PSMF1: variants seen among roughly 807,000 people sequenced by gnomAD.
PSMF1 encodes proteasome inhibitor PI31 subunit.
In PSMF1, 30 loss-of-function variants were observed where a neutral mutation model predicts 29.3. The observed-to-expected ratio is 1.02, with a 90% CI of 0.77 to 1.39. The LOEUF is 1.39. Ranked by LOEUF, PSMF1 falls within the 40% of genes most tolerant of loss-of-function variation. The pLI, the probability that PSMF1 is intolerant of heterozygous loss-of-function variation, is 0.00. For synonymous variants in PSMF1, 134 were observed against 139.7 expected (o/e 0.96, Z 0.29); for missense variants, 344 against 357.5 (o/e 0.96, Z 0.31).
intron 4 of PSMF1, among the ~76,000 whole-genome samples, chr20:1,135,686 G>A (rs79329393): frequency 0.018 from 2,799 of 152,308 alleles, 88 homozygotes; most frequent in African/African-American, 0.063. Flanking sequence ...GTCTTTCTGA[G>A]AAAATGTAAA....
intron 3 of PSMF1, among the ~76,000 whole-genome samples, chr20:1,128,241 A>G (rs1233665165): frequency 6.6e-6 from 1 of 152,222 alleles, no homozygotes; most frequent in Non-Finnish European, 1.5e-5. Context: ...AGTTGGTATC[A>G]TACAGTAGTA....
chr20:1,148,693 A>G (rs571161999), intron 4 of PSMF1, among the ~76,000 whole-genome samples: 4 of 152,314 alleles, frequency 2.6e-5, no homozygotes, highest in African/African-American at 7.2e-5. Flanking sequence ...TATAACTTCT[A>G]TGGGGTATGT....
chr20:1,150,279 A>G (rs77715652), intron 4 of PSMF1, among the ~76,000 whole-genome samples: 1 of 152,160 alleles, frequency 6.6e-6, no homozygotes, highest in Non-Finnish European at 1.5e-5. Flanking sequence ...TTGACAATCT[A>G]TACCTCTTCA....
At chr20:1,130,572 G>A (rs2284373) in intron 3 of PSMF1, among the ~76,000 whole-genome samples, 2 of 152,192 alleles carry the variant, frequency 1.3e-5, no homozygotes, top group East Asian at 1.9e-4. Context: ...CGATTTAAAC[G>A]TCAGTTCCTT....
chr20:1,166,338 G>A lies in PSMF1; in HGVS notation c.*1258G>A. The A allele has an allele frequency of 1.5e-6, 2 of 1,371,904 alleles. No individual in the cohort carries two copies. Among genetic ancestry groups the A allele is most frequent in the Admixed American group, 1.8e-5 (1 of 54,142 alleles). The allele number at this position is 1,371,904 out of a possible 1,614,324, so 85.0% of individuals were successfully genotyped here. ...TCAAGGCGGTAGTCACTTCCGCTCT[G>A]CAGCTAGCATTTCAACCATATGTGG... On this transcript the variant is annotated 3_prime_UTR_variant, in exon 7 of 7. Transcript: ENST00000335877.
chr20:1,120,813 C>G (rs1463821633), intron 1 of PSMF1, among the ~76,000 whole-genome samples: 1 of 152,192 alleles, frequency 6.6e-6, no homozygotes, highest in Admixed American at 6.5e-5. Flanking sequence ...ACCTCACTCC[C>G]CTTACCTACT....
intron 1 of PSMF1, among the ~76,000 whole-genome samples, chr20:1,120,282 A>G (rs1947487064): frequency 6.6e-6 from 1 of 152,028 alleles, no homozygotes; most frequent in African/African-American, 2.4e-5. Context: ...CCAAACTCAC[A>G]CATACTTCAT....
intron 4 of PSMF1, chr20:1,160,661 C>T: frequency 2.0e-6 from 1 of 507,580 alleles, no homozygotes; most frequent in Admixed American, 2.2e-5. Context: ...GGGACGACGC[C>T]CCTGGAACCA....
intron 4 of PSMF1, among the ~76,000 whole-genome samples, chr20:1,137,619 A>G (rs1267019419): frequency 4.0e-5 from 1 of 24,794 alleles, no homozygotes; most frequent in Admixed American, 6.8e-4. Context: ...AATTAATCGC[A>G]TGGGGAGAAA....
chr20:1,165,981 C>T lies in PSMF1; in HGVS notation c.*901C>T, dbSNP rs185585896. 8.6e-6 allele frequency: 12 copies of T among 1,403,454 alleles called. No homozygotes were observed. The East Asian group carries it at 1.6e-4, about 18-fold the overall frequency. The allele number at this position is 1,403,454 out of a possible 1,614,324, so 86.9% of individuals were successfully genotyped here. On this transcript the variant is annotated 3_prime_UTR_variant, in exon 7 of 7. Transcript: ENST00000335877. The stretch of plus-strand genomic sequence containing the variant: ...CCTGCTCTAAAGCATTTTGATGTCT[C>T]ATTCTGTGTTTGGTAACCCCTATAA...
At chr20:1,113,437 T>G (rs547735248) in intron 1 of PSMF1, 1 of 92,280 alleles carries the variant, frequency 1.1e-5, no homozygotes, top group South Asian at 4.1e-4. Flanking sequence ...GCTGGATGGA[T>G]CAGGGGCAAC....
At chr20:1,136,302 G>A (rs2086305392) in intron 4 of PSMF1, among the ~76,000 whole-genome samples, 1 of 152,226 alleles carries the variant, frequency 6.6e-6, no homozygotes. Flanking sequence ...CAGAGCCAGG[G>A]CTGGGGTCTA....
intron 4 of PSMF1, among the ~76,000 whole-genome samples, chr20:1,157,499 T>C (rs1433673179): frequency 9.2e-5 from 14 of 152,198 alleles, no homozygotes; most frequent in Admixed American, 9.2e-4. Flanking sequence ...TTACATAAAG[T>C]TAACAATACT....
intron 3 of PSMF1, among the ~76,000 whole-genome samples, chr20:1,133,571 T>TATATA (rs1568469077): frequency 4.5e-4 from 20 of 44,124 alleles, no homozygotes; most frequent in African/African-American, 1.3e-3. Context: ...ATATATATAT[T>TATATA]TTTTTTTTTT....
In PSMF1 at chr20:1,168,683, C is replaced by T. The variant is rs2086759004; in HGVS notation, c.*3603C>T. 6.6e-6 allele frequency among the ~76,000 whole-genome samples: 1 copy of T among 152,228 alleles called. No homozygotes were observed. The highest frequency in any genetic ancestry group is 2.4e-5 in the African/African-American group (1 of 41,460). ...AGGTAGCAAGTTCCACGCAGCCTCA[C>T]TCTTTGGAACCTAGTTTCTCCTATG... On this transcript the variant is annotated 3_prime_UTR_variant, in exon 7 of 7. Coordinates refer to ENST00000335877, the MANE Select transcript of PSMF1 (RefSeq NM_006814.5).
At chr20:1,113,543 G>A (rs2085986823) in intron 1 of PSMF1, 1 of 96,908 alleles carries the variant, frequency 1.0e-5, no homozygotes, top group Non-Finnish European at 2.3e-5. Context: ...GGACCCTGGG[G>A]TTCAGGACAG....
rs1223277993 is a variant in PSMF1, at chr20:1,125,641, C to T, written c.273C>T (p.Leu91=). The T allele has an allele frequency of 6.2e-7, 1 of 1,611,828 alleles. No homozygotes were observed. The highest frequency in any genetic ancestry group is 1.7e-5 in the Admixed American group (1 of 59,712). Residue 91 remains leucine (L), a synonymous_variant, in exon 2 of 7, where the codon CTC becomes CTT. Coordinates refer to ENST00000335877, the MANE Select transcript of PSMF1 (RefSeq NM_006814.5). ...TCACCGTGGAGAGCAGCATGATCCT[C>T]AATGTGCTGGTGAGTCTCTGGGACA... ...KAITVESSMI[L]NVLEYGSQQV...
In PSMF1 at chr20:1,170,577, T is replaced by C. The variant is rs1165497458; in HGVS notation, c.*5497T>C. Among the ~76,000 whole-genome samples the C allele has an allele frequency of 6.6e-6, 1 of 151,928 alleles. No individual in the cohort carries two copies. The highest frequency in any genetic ancestry group is 1.9e-4 in the East Asian group (1 of 5,172). ...AGGAAGGATTGGGAAGGTCCAGTAA[T>C]TTGCTCAGGGTCAAGCAGGAGTCTC... On this transcript the variant is annotated 3_prime_UTR_variant, in exon 7 of 7. Coordinates refer to ENST00000335877, the MANE Select transcript of PSMF1 (RefSeq NM_006814.5).
chr20:1,154,004 G>A (rs768927030), intron 4 of PSMF1, among the ~76,000 whole-genome samples: 15 of 152,200 alleles, frequency 9.9e-5, no homozygotes, highest in Non-Finnish European at 1.0e-4. Flanking sequence ...ATCAGTGCTT[G>A]CAATAGAAAA....
Sources: allele counts gnomAD v4.1 joint callset (sites outside exome capture counted in the v4.1 genomes callset), GRCh38; gene constraint gnomAD v4.1.1; transcripts MANE v1.5; gene names NCBI Gene and HGNC (gene_info 2026-07-23, HGNC 2026-07-21).